CLEC5A: variants seen among roughly 807,000 people sequenced by gnomAD.
CLEC5A encodes the protein C-type lectin domain family 5 member A.
CLEC5A carries 15 observed loss-of-function variants against 24.4 expected under a neutral mutation model. The observed-to-expected ratio is 0.62, with a 90% CI of 0.41 to 0.95. The LOEUF is 0.95. CLEC5A is among the 40% of genes least tolerant of loss of function. The pLI, the probability that CLEC5A is intolerant of heterozygous loss-of-function variation, is 0.00. For missense variants in CLEC5A, 211 were observed against 224.0 expected, an observed-to-expected ratio of 0.94 and a Z score of 0.37; for synonymous variants, 71 against 72.6, an observed-to-expected ratio of 0.98 and a Z score of 0.11.
intron 4 of CLEC5A, among the ~76,000 whole-genome samples, chr7:141,941,344 T>G (rs1470257309): frequency 6.6e-6 from 1 of 152,106 alleles, no homozygotes; most frequent in Non-Finnish European, 1.5e-5. Context: ...TCATTTCAAT[T>G]GATGCTGATA....
intron 4 of CLEC5A, among the ~76,000 whole-genome samples, chr7:141,938,376 A>G (rs369650840): frequency 6.6e-6 from 1 of 152,324 alleles, no homozygotes; most frequent in East Asian, 1.9e-4. Flanking sequence ...TGAAATTCAC[A>G]TACTGAGGAA....
At chr7:141,945,728 T>C (rs1802934544) in intron 2 of CLEC5A, 1 of 392,642 alleles carries the variant, frequency 2.5e-6, no homozygotes, top group Non-Finnish European at 4.6e-6. Context: ...TTCTAGTTTC[T>C]GATTGCAGTA....
intron 2 of CLEC5A, 99 bp from the exon 3 acceptor site, chr7:141,945,499 A>C: frequency 1.2e-6 from 1 of 831,016 alleles, no homozygotes; most frequent in Middle Eastern, 2.3e-4. Flanking sequence ...TACTGTGACT[A>C]TTAGTGGGAA....
chr7:141,936,599 C>G (rs1170859299), intron 4 of CLEC5A, among the ~76,000 whole-genome samples: 1 of 152,066 alleles, frequency 6.6e-6, no homozygotes, highest in African/African-American at 2.4e-5. Context: ...TGCTTTGGGG[C>G]CCTAAATAAA....
Position 141,927,974 on chromosome 7 carries a change from A to G in CLEC5A, c.*2130T>C, listed in dbSNP as rs1437436995. 1 of 152,192 alleles carries G rather than the reference A, an allele frequency of 6.6e-6. No homozygotes were observed. The highest frequency in any genetic ancestry group is 2.4e-5 in the African/African-American group (1 of 41,440). 9.4% of individuals were successfully genotyped at this position (152,192 alleles called of 1,614,324 possible). On this transcript the variant is annotated 3_prime_UTR_variant, in exon 7 of 7. Transcript: ENST00000546910. ...TATCAGTAAGGAAATTAAGACCAAG[A>G]AAGGGTAAGAAAACTGTACTGATTC...
chr7:141,946,321 A>T lies in CLEC5A; in HGVS notation c.-20-9T>A, dbSNP rs781897481. On this transcript the variant is annotated splice_polypyrimidine_tract_variant and intron_variant, in intron 1 of 6. Coordinates refer to ENST00000546910, the MANE Select transcript of CLEC5A (RefSeq NM_013252.3). ...GAAGGAGCTGCAGGGGCCTGTGAAG[A>T]TTAGAGCACAGCAGCATCAGAATTC... 9.0e-6 allele frequency: 14 copies of T among 1,553,892 alleles called. No individual in the cohort carries two copies. The South Asian group carries it at 1.7e-4, about 18-fold the overall frequency.
chr7:141,927,910 G>A lies in CLEC5A; in HGVS notation c.*2194C>T, dbSNP rs1802344548. 1 of 152,168 alleles carries A rather than the reference G, an allele frequency of 6.6e-6. No individual in the cohort carries two copies. Among genetic ancestry groups the A allele is most frequent in the African/African-American group, 2.4e-5 (1 of 41,428 alleles). The allele number at this position is 152,168 out of a possible 1,614,324, so 9.4% of individuals were successfully genotyped here. A position where few individuals can be genotyped will look rare whatever the true frequency, so the allele number is the denominator to read the frequency against. On this transcript the variant is annotated 3_prime_UTR_variant, in exon 7 of 7. Transcript: ENST00000546910. ...TACATAGAGGAATGTTATTTAATAT[G>A]TGCAATAATTTTTTGAGATAGGTAT...
intron 4 of CLEC5A, among the ~76,000 whole-genome samples, chr7:141,937,599 C>G (rs375712384): frequency 8.7e-4 from 133 of 152,308 alleles, no homozygotes; most frequent in African/African-American, 1.2e-3. Context: ...CCTGGTGGAA[C>G]TCACTGCCCT....
chr7:141,945,673 C>T (rs1285247742), intron 2 of CLEC5A: 1 of 479,596 alleles, frequency 2.1e-6, no homozygotes, highest in Non-Finnish European at 3.7e-6. Flanking sequence ...ACTCACGTTT[C>T]CTTCCTCATT....
intron 4 of CLEC5A, among the ~76,000 whole-genome samples, chr7:141,937,773 G>A (rs949629334): frequency 6.6e-6 from 1 of 152,220 alleles, no homozygotes; most frequent in African/African-American, 2.4e-5. Flanking sequence ...CCCAGTGGTG[G>A]TGGTCACAGG....
At chr7:141,934,989 C>T (rs1260254197) in intron 5 of CLEC5A, among the ~76,000 whole-genome samples, 1 of 152,144 alleles carries the variant, frequency 6.6e-6, no homozygotes, top group African/African-American at 2.4e-5. Flanking sequence ...CCCTGTCTTG[C>T]TCCTGTTTTT....
intron 3 of CLEC5A, among the ~76,000 whole-genome samples, chr7:141,945,097 A>C (rs753119302): frequency 6.6e-6 from 1 of 152,188 alleles, no homozygotes; most frequent in South Asian, 2.1e-4. Flanking sequence ...GCACTTTCAC[A>C]TTCTATTACA....
chr7:141,931,574 G>T, intron 6 of CLEC5A, 146 bp downstream of exon 6: 1 of 560,168 alleles, frequency 1.8e-6, no homozygotes, highest in Admixed American at 3.2e-5. Flanking sequence ...ATGTGTCTCA[G>T]GGAATAGATG....
intron 5 of CLEC5A, among the ~76,000 whole-genome samples, chr7:141,934,613 GTTTTTTTTTTTTTTTTT>G (rs577797546): frequency 1.3e-4 from 8 of 61,786 alleles, no homozygotes; most frequent in African/African-American, 2.6e-4. Context: ...TTTCTTTAAC[GTTTTTTTTTTTTTTTTT>G]TTTTTTTTTT....
intron 4 of CLEC5A, among the ~76,000 whole-genome samples, chr7:141,942,457 C>A (rs779299052): frequency 2.0e-5 from 3 of 152,062 alleles, no homozygotes; most frequent in Non-Finnish European, 4.4e-5. Flanking sequence ...AATCTAAAAT[C>A]TCAAGCTATG....
chr7:141,940,851 C>G (rs1802772959), intron 4 of CLEC5A, among the ~76,000 whole-genome samples: 1 of 151,990 alleles, frequency 6.6e-6, no homozygotes, highest in African/African-American at 2.4e-5. Context: ...AATTCCTAGG[C>G]ACATACAACC....
At chr7:141,940,801 C>T (rs1276838751) in intron 4 of CLEC5A, among the ~76,000 whole-genome samples, 1 of 151,852 alleles carries the variant, frequency 6.6e-6, no homozygotes, top group East Asian at 1.9e-4. Context: ...CTATGAGCAA[C>T]TATATGCCAA....
chr7:141,946,601 C>A (rs536678031), intron 1 of CLEC5A, among the ~76,000 whole-genome samples: 2 of 152,324 alleles, frequency 1.3e-5, no homozygotes, highest in African/African-American at 2.4e-5. Flanking sequence ...AATAATTAAA[C>A]CCTCTCCTGT....
intron 5 of CLEC5A, among the ~76,000 whole-genome samples, chr7:141,933,938 A>G (rs1419215402): frequency 6.6e-6 from 1 of 152,140 alleles, no homozygotes; most frequent in Non-Finnish European, 1.5e-5. Context: ...CAGCTGAGAC[A>G]GACAGACAGA....
Sources: gnomAD v4.1 joint callset for allele counts (sites outside exome capture counted in the v4.1 genomes callset) on GRCh38, gnomAD v4.1.1 for gene constraint, MANE v1.5 for transcripts, NCBI Gene and HGNC (gene_info 2026-07-23, HGNC 2026-07-21) for gene names.